Variants in ERBB4 observed in about 807,000 individuals in gnomAD.
ERBB4 encodes the protein erb-b2 receptor tyrosine kinase 4.
A neutral mutation model predicts 158.0 loss-of-function variants in ERBB4; 42 were observed. The ratio of observed to expected loss-of-function variants is 0.27; its 90% CI spans 0.21 to 0.34. ERBB4 has a LOEUF of 0.34. Among genes scored for constraint, ERBB4 ranks in the 10% least tolerant of loss-of-function variants. The pLI is 1.00. For missense variants in ERBB4, 1,333 were observed against 1,624.1 expected, an observed-to-expected ratio of 0.82 and a Z score of 3.08; for synonymous variants, 583 against 558.7, an observed-to-expected ratio of 1.04 and a Z score of -0.61.
chr2:212,144,143 C>G (rs192802695), intron 1 of ERBB4, among the ~76,000 whole-genome samples: 64 of 152,078 alleles, frequency 4.2e-4, no homozygotes, highest in Non-Finnish European at 7.9e-4. Flanking sequence ...ACACAGAATT[C>G]TGTTGGATGC....
intron 21 of ERBB4, among the ~76,000 whole-genome samples, chr2:211,429,323 A>G (rs1462642777): frequency 6.6e-6 from 1 of 152,110 alleles, no homozygotes; most frequent in Non-Finnish European, 1.5e-5. Context: ...TTTGGCCACT[A>G]AAACGCCTAA....
At chr2:212,514,458 T>C (rs1218110201) in intron 1 of ERBB4, among the ~76,000 whole-genome samples, 2 of 152,202 alleles carry the variant, frequency 1.3e-5, no homozygotes, top group African/African-American at 2.4e-5. Flanking sequence ...AGTTGTCATG[T>C]ATACCCATGA....
intron 20 of ERBB4, among the ~76,000 whole-genome samples, chr2:211,453,688 C>T (rs2064306048): frequency 6.6e-6 from 1 of 152,144 alleles, no homozygotes; most frequent in South Asian, 2.1e-4. Context: ...ATTCACAAGT[C>T]TGTAGCAGAC....
chr2:211,671,301 C>T (rs1421068960), intron 14 of ERBB4, among the ~76,000 whole-genome samples: 1 of 151,730 alleles, frequency 6.6e-6, no homozygotes, highest in African/African-American at 2.4e-5. Context: ...ATTTAAAAAC[C>T]TAACAATATG....
intron 1 of ERBB4, among the ~76,000 whole-genome samples, chr2:212,257,352 G>A (rs1478501911): frequency 6.6e-6 from 1 of 151,996 alleles, no homozygotes; most frequent in African/African-American, 2.4e-5. Flanking sequence ...GAAGTAATTA[G>A]GGTTCACTTT....
At chr2:211,508,368 T>A (rs888816695) in intron 20 of ERBB4, among the ~76,000 whole-genome samples, 5 of 151,940 alleles carry the variant, frequency 3.3e-5, no homozygotes, top group African/African-American at 1.2e-4. Context: ...AACAAACATA[T>A]GAAAAAAAGA....
chr2:211,873,702 C>A (rs1245033355), intron 3 of ERBB4, among the ~76,000 whole-genome samples: 1 of 150,518 alleles, frequency 6.6e-6, no homozygotes, highest in African/African-American at 2.5e-5. Context: ...TTTCTTTAAT[C>A]ATTTATTTGG....
At chr2:212,221,253 A>G (rs910601425) in intron 1 of ERBB4, among the ~76,000 whole-genome samples, 1 of 151,564 alleles carries the variant, frequency 6.6e-6, no homozygotes, top group South Asian at 2.1e-4. Flanking sequence ...ATGAATGATC[A>G]TATGCTCAAG....
chr2:212,443,760 C>T (rs1371290959), intron 1 of ERBB4, among the ~76,000 whole-genome samples: 1 of 152,142 alleles, frequency 6.6e-6, no homozygotes, highest in Non-Finnish European at 1.5e-5. Flanking sequence ...TTTGGCAGGT[C>T]CCCATAGGTG....
intron 1 of ERBB4, among the ~76,000 whole-genome samples, chr2:212,445,550 G>A (rs1015489313): frequency 6.6e-6 from 1 of 152,144 alleles, no homozygotes. Flanking sequence ...GTTGGCTGGG[G>A]TGACTGACCC....
intron 2 of ERBB4, among the ~76,000 whole-genome samples, chr2:211,964,942 G>T (rs2081271890): frequency 6.6e-6 from 1 of 151,936 alleles, no homozygotes; most frequent in Non-Finnish European, 1.5e-5. Context: ...TTTTTACTTA[G>T]AATATAAAAT....
intron 3 of ERBB4, among the ~76,000 whole-genome samples, chr2:211,897,152 A>G (rs1418109151): frequency 2.6e-5 from 4 of 151,428 alleles, no homozygotes; most frequent in African/African-American, 4.8e-5. Flanking sequence ...ATAAAAATCT[A>G]AAGAAAAATA....
intron 3 of ERBB4, among the ~76,000 whole-genome samples, chr2:211,856,325 C>A (rs2077859110): frequency 6.6e-6 from 1 of 152,020 alleles, no homozygotes; most frequent in Admixed American, 6.6e-5. Context: ...GAATGTTCTT[C>A]ATTAAGTCAC....
chr2:211,424,476 C>T (rs572978498), intron 22 of ERBB4, among the ~76,000 whole-genome samples, 175 bp from the exon 23 acceptor site: 1 of 150,814 alleles, frequency 6.6e-6, no homozygotes, highest in African/African-American at 2.4e-5. Context: ...ATGTCAAAAT[C>T]TTTGTGGGGG....
At chr2:212,373,811 C>A (rs924600876) in intron 1 of ERBB4, among the ~76,000 whole-genome samples, 7 of 112,332 alleles carry the variant, frequency 6.2e-5, no homozygotes, top group African/African-American at 2.0e-4. Flanking sequence ...ATATATATAT[C>A]CATGTATATA....
At chr2:212,182,813 A>C (rs2081911303) in intron 1 of ERBB4, among the ~76,000 whole-genome samples, 1 of 151,214 alleles carries the variant, frequency 6.6e-6, no homozygotes, top group African/African-American at 2.4e-5. Context: ...TCACCTTCAC[A>C]GGCCATTATG....
chr2:212,162,123 A>G (rs2081218902), intron 1 of ERBB4, among the ~76,000 whole-genome samples: 1 of 151,902 alleles, frequency 6.6e-6, no homozygotes, highest in Non-Finnish European at 1.5e-5. Context: ...TATGTACACA[A>G]AAGACATATG....
chr2:211,992,428 T>A (rs1372600458), intron 2 of ERBB4, among the ~76,000 whole-genome samples: 3 of 151,946 alleles, frequency 2.0e-5, no homozygotes, highest in African/African-American at 7.2e-5. Flanking sequence ...TGTGGGTCCC[T>A]CCCACAACAT....
At chr2:211,854,238 G>A (rs10184540) in intron 3 of ERBB4, among the ~76,000 whole-genome samples, 2 of 151,872 alleles carry the variant, frequency 1.3e-5, no homozygotes, top group Non-Finnish European at 2.9e-5. Flanking sequence ...TAGTTAGAAG[G>A]CCTCATTATT....
Sources: gnomAD v4.1 joint callset for allele counts (sites outside exome capture counted in the v4.1 genomes callset) on GRCh38, gnomAD v4.1.1 for gene constraint, MANE v1.5 for transcripts, NCBI Gene and HGNC (gene_info 2026-07-23, HGNC 2026-07-21) for gene names.